Variants in MCL1 observed in about 807,000 individuals in gnomAD.
MCL1 encodes the protein induced myeloid leukemia cell differentiation protein Mcl-1.
Under a neutral mutation model 24.2 loss-of-function variants are expected in MCL1, and 4 were observed. That is an observed-to-expected ratio of 0.17 (90% CI 0.08 to 0.38). The LOEUF (loss-of-function observed/expected upper bound fraction) is 0.38. Among genes scored for constraint, MCL1 ranks in the 10% least tolerant of loss-of-function variants. MCL1 has a pLI of 1.00. For synonymous variants in MCL1, 248 were observed against 214.0 expected, an observed-to-expected ratio of 1.16 and a Z score of -1.39; for missense variants, 529 against 480.3, an observed-to-expected ratio of 1.10 and a Z score of -0.95.
chr1:150,579,538 C>T lies in MCL1; in HGVS notation c.-8G>A. On this transcript the variant is annotated 5_prime_UTR_variant, in exon 1 of 3. Transcript: ENST00000369026. ...TCTTTTGAGGCCAAACATTGCCAGT[C>T]GCCGCCGCCGCCTGGCTGAGAAAAC... 6.3e-7 allele frequency: 1 copy of T among 1,585,810 alleles called. No homozygotes were observed. Among genetic ancestry groups the T allele is most frequent in the East Asian group, 2.4e-5 (1 of 41,684 alleles).
Position 150,579,449 on chromosome 1 carries a change from C to T in MCL1, c.82G>A (p.Ala28Thr), listed in dbSNP as rs768684341. Residue 28 changes from alanine to threonine, a missense_variant, in exon 1 of 3, where the codon GCC becomes ACC. By Grantham distance (58) the Ala-to-Thr change is moderately conservative. Transcript: ENST00000369026. ...GAGLGAGSGGATRPGGRLLAT... is the reference protein window; with the variant it reads ...GAGLGAGSGGTTRPGGRLLAT... ...AAAAGTCGCCCTCCCGGGCGGGTGGCGCCGCCGCTGCCGGCCCCCAAGCCG... is the reference window on the plus strand; with the variant it reads ...AAAAGTCGCCCTCCCGGGCGGGTGGTGCCGCCGCTGCCGGCCCCCAAGCCG... 50 of 1,590,490 alleles carry T rather than the reference C, an allele frequency of 3.1e-5. No homozygotes were observed. The highest frequency in any genetic ancestry group is 4.1e-5 in the Non-Finnish European group (48 of 1,170,712).
rs763609710 is a variant in MCL1 at position 150,579,104 on chromosome 1, G to A, written c.427C>T (p.Leu143=). 1 of 1,613,056 alleles carries A rather than the reference G, an allele frequency of 6.2e-7. No homozygotes were observed. Among genetic ancestry groups the A allele is most frequent in the Non-Finnish European group, 8.5e-7 (1 of 1,180,040 alleles). ...PLGKRPAVLP[L]LELVGESGNN... is the part of the protein sequence containing the mutation. ...CCAGATTCCCCGACCAACTCCAGCA[G>A]CGGCAGGACAGCCGGCCGCTTCCCG... The change falls in exon 1 of 3, where the codon CTG becomes TTG. Residue 143 remains leucine, a synonymous_variant. Transcript: ENST00000369026.
Position 150,575,575 on chromosome 1 carries a change from T to C in MCL1, c.*1800A>G, listed in dbSNP as rs1647764294. The C allele has an allele frequency of 8.6e-6, 2 of 232,906 alleles. No homozygotes were observed. Among genetic ancestry groups the C allele is most frequent in the African/African-American group, 2.2e-5 (1 of 45,300 alleles). 14.4% of individuals were successfully genotyped at this position (232,906 alleles called of 1,614,324 possible). On this transcript the variant is annotated 3_prime_UTR_variant, in exon 3 of 3. Coordinates refer to ENST00000369026, the MANE Select transcript of MCL1 (RefSeq NM_021960.5). ...TGCCCCCAAAGACAGGATAAAACAATAGTTGAAAAGATACCAGTCCAAGGA... is the reference window on the plus strand; with the variant it reads ...TGCCCCCAAAGACAGGATAAAACAACAGTTGAAAAGATACCAGTCCAAGGA...
In MCL1 at chr1:150,579,497, G is replaced by T; in HGVS notation, c.34C>A (p.Leu12Ile). Residue 12 changes from leucine (L) to isoleucine (I), a missense_variant, in exon 1 of 3, where the codon CTC (leucine) becomes ATC (isoleucine). Leu to Ile is a conservative substitution (Grantham distance 5). Transcript: ENST00000369026. ...FGLKRNAVIG[L>I]NLYCGGAGLG... ...CCGGCCCCCCCACAGTAGAGGTTGA[G>T]TCCGATTACCGCGTTTCTTTTGAGG... 6.2e-7 allele frequency: 1 copy of T among 1,600,338 alleles called. No homozygotes were observed. Among genetic ancestry groups the T allele is most frequent in the Non-Finnish European group, 8.5e-7 (1 of 1,174,548 alleles).
In MCL1 at chr1:150,575,553, C is replaced by T. The variant is rs1385789757; in HGVS notation, c.*1822G>A. ...CCTGAGGGGACTTTTGACACATTGC[C>T]CCCAAAGACAGGATAAAACAATAGT... On this transcript the variant is annotated 3_prime_UTR_variant, in exon 3 of 3. Transcript: ENST00000369026. The T allele has an allele frequency of 8.6e-6, 2 of 232,964 alleles. No individual in the cohort carries two copies. Among genetic ancestry groups the T allele is most frequent in the African/African-American group, 2.2e-5 (1 of 45,308 alleles). 14.4% of individuals were successfully genotyped at this position (232,964 alleles called of 1,614,324 possible).
In MCL1 at chr1:150,574,724, G is replaced by A. The variant is rs2101688298; in HGVS notation, c.*2651C>T. On this transcript the variant is annotated 3_prime_UTR_variant, in exon 3 of 3. Transcript: ENST00000369026. The stretch of plus-strand genomic sequence containing the variant: ...CCAAGGTGTTCACCCCCCACAGAAT[G>A]TACATGAAACACTAGAGGACTGCAT... 1 of 233,044 alleles carries A rather than the reference G, an allele frequency of 4.3e-6. No homozygotes were observed. Among genetic ancestry groups the A allele is most frequent in the South Asian group, 1.8e-4 (1 of 5,526 alleles). The allele number at this position is 233,044 out of a possible 1,614,324, so 14.4% of individuals were successfully genotyped here.
At position 150,578,284 on chromosome 1, in the gene MCL1, A is replaced by C. The variant is rs777027172; in HGVS notation, c.896T>G (p.Val299Gly). ...AACTAGCCAGTCCCGTTTTGTCCTT[A>C]CGAGAACGTCTGTGATACTTTCTGC... ...PLAESITDVL[V>G]RTKRDWLVKQ... Residue 299 changes from valine to glycine, a missense_variant, in exon 2 of 3, where the codon GTA (valine) becomes GGA (glycine). Val to Gly is a moderately radical substitution (Grantham distance 109). Coordinates refer to ENST00000369026, the MANE Select transcript of MCL1 (RefSeq NM_021960.5). The C allele has an allele frequency of 1.5e-5, 24 of 1,614,062 alleles. No individual in the cohort carries two copies. The highest frequency in any genetic ancestry group is 1.9e-5 in the Non-Finnish European group (23 of 1,180,016).
rs904916199 is a variant in MCL1 at position 150,578,473 on chromosome 1, T to G, written c.707A>C (p.Asp236Ala). 4 of 1,614,166 alleles carry G rather than the reference T, an allele frequency of 2.5e-6. No homozygotes were observed. Among genetic ancestry groups the G allele is most frequent in the Non-Finnish European group, 3.4e-6 (4 of 1,180,038 alleles). Residue 236 changes from aspartate to alanine, a missense_variant, in exon 2 of 3, where the codon GAC becomes GCC. Transcript: ENST00000369026. ...TTTCACATCGTCTTCGTTTTTGATG[T>G]CCAGTTTCCGAAGCATGCCTGAGAA... is the stretch of plus-strand genomic sequence containing the variant. ...TAFQGMLRKL[D>A]IKNEDDVKSL...
Position 150,577,639 on chromosome 1 carries a change from A to G in MCL1, c.937-148T>C, listed in dbSNP as rs1570981195. On this transcript the variant is annotated intron_variant, in intron 2 of 2. Coordinates refer to ENST00000369026, the MANE Select transcript of MCL1 (RefSeq NM_021960.5). Reference sequence around the variant, plus strand: ...ATTATTATTCACCCCGGGGCAAAAAAAGAAAATAAGTTCTTCAGTTTCTTA... The same window carrying G: ...ATTATTATTCACCCCGGGGCAAAAAGAGAAAATAAGTTCTTCAGTTTCTTA... 2.0e-5 allele frequency: 16 copies of G among 813,782 alleles called. No homozygotes were observed. In the East Asian group the frequency reaches 4.4e-4, roughly 22 times the overall value. 50.4% of individuals were successfully genotyped at this position (813,782 alleles called of 1,614,324 possible). A position where few individuals can be genotyped will look rare whatever the true frequency, so the allele number is the denominator to read the frequency against.
In MCL1 at chr1:150,579,322, G is replaced by T. The variant is rs771154790; in HGVS notation, c.209C>A (p.Thr70Lys). 3.4e-6 allele frequency: 5 copies of T among 1,478,334 alleles called. No individual in the cohort carries two copies. The South Asian group carries it at 4.2e-5, about 12-fold the overall frequency. 91.6% of individuals were successfully genotyped at this position (1,478,334 alleles called of 1,614,324 possible). ...SAGASPPSTLTPDSRRVARPP... is the reference protein window; with the variant it reads ...SAGASPPSTLKPDSRRVARPP... ...CCGCGCGACCCTCCGGGAGTCTGGC[G>T]TGAGGGTGGACGGGGGGCTTGCGCC... The change falls in exon 1 of 3, where the codon ACG (threonine) becomes AAG (lysine). Residue 70 changes from threonine (T) to lysine (K), a missense_variant. Coordinates refer to ENST00000369026, the MANE Select transcript of MCL1 (RefSeq NM_021960.5).
intron 1 of MCL1, 21 bp from the exon 2 acceptor site, chr1:150,578,512 G>A (rs755068609): frequency 6.8e-6 from 11 of 1,612,818 alleles, no homozygotes; most frequent in Non-Finnish European, 9.3e-6. Flanking sequence ...AAAGCATGCA[G>A]GTCCTCACGG....
Position 150,579,039 on chromosome 1 carries a change from C to T in MCL1, c.492G>A (p.Pro164=), listed in dbSNP as rs2101698463. 6 of 1,613,382 alleles carry T rather than the reference C, an allele frequency of 3.7e-6. No individual in the cohort carries two copies. The highest frequency in any genetic ancestry group is 5.1e-6 in the Non-Finnish European group (6 of 1,180,020). ...CGTCCTCCTCCTCCTCTGCTGGCGGCGGCGTCGAGGGTAGTGACCCGTCCG... is the reference window on the plus strand; with the variant it reads ...CGTCCTCCTCCTCCTCTGCTGGCGGTGGCGTCGAGGGTAGTGACCCGTCCG... ...TSTDGSLPST[P]PPAEEEEDEL... The change falls in exon 1 of 3, where the codon CCG becomes CCA. Residue 164 remains proline (P), a synonymous_variant. Coordinates refer to ENST00000369026, the MANE Select transcript of MCL1 (RefSeq NM_021960.5).
Position 150,575,658 on chromosome 1 carries a change from C to T in MCL1, c.*1717G>A. On this transcript the variant is annotated 3_prime_UTR_variant, in exon 3 of 3. Coordinates refer to ENST00000369026, the MANE Select transcript of MCL1 (RefSeq NM_021960.5). ...TAGTGTCACAGCACCCATGGTATTA[C>T]CACCTGCTAACAGGATCAAGTTCGT... The T allele has an allele frequency of 4.3e-6, 1 of 233,044 alleles. No individual in the cohort carries two copies. Among genetic ancestry groups the T allele is most frequent in the Non-Finnish European group, 8.5e-6 (1 of 117,960 alleles). The allele number at this position is 233,044 out of a possible 1,614,324, so 14.4% of individuals were successfully genotyped here.
rs587599693 is a variant in MCL1 at position 150,575,973 on chromosome 1, C to A, written c.*1402G>T. 88 of 233,668 alleles carry A rather than the reference C, an allele frequency of 3.8e-4. No homozygotes were observed. The East Asian group carries it at 5.3e-3, about 14-fold the overall frequency. 14.5% of individuals were successfully genotyped at this position (233,668 alleles called of 1,614,324 possible). On this transcript the variant is annotated 3_prime_UTR_variant, in exon 3 of 3. Coordinates refer to ENST00000369026, the MANE Select transcript of MCL1 (RefSeq NM_021960.5). Reference sequence around the variant, plus strand: ...TTGGGAATCATTAATAGAAACAAAACAGTAAGTATTTGCTTTATTGACATA... The same window carrying A: ...TTGGGAATCATTAATAGAAACAAAAAAGTAAGTATTTGCTTTATTGACATA...
chr1:150,576,248 A>G lies in MCL1; in HGVS notation c.*1127T>C, dbSNP rs1199802680. On this transcript the variant is annotated 3_prime_UTR_variant, in exon 3 of 3. Transcript: ENST00000369026. ...AAATTTCACCAGTTAAATTAGGTCA[A>G]ATGGAAGGAACTCAAATGAGTATTG... 4.3e-6 allele frequency: 1 copy of G among 232,996 alleles called. No homozygotes were observed. Among genetic ancestry groups the G allele is most frequent in the Non-Finnish European group, 8.5e-6 (1 of 117,820 alleles). The allele number at this position is 232,996 out of a possible 1,614,324, so 14.4% of individuals were successfully genotyped here.
At position 150,575,398 on chromosome 1, in the gene MCL1, A is replaced by T; in HGVS notation, c.*1977T>A. 4.3e-6 allele frequency: 1 copy of T among 232,970 alleles called. No individual in the cohort carries two copies. The highest frequency in any genetic ancestry group is 8.5e-6 in the Non-Finnish European group (1 of 117,640). The allele number at this position is 232,970 out of a possible 1,614,324, so 14.4% of individuals were successfully genotyped here. ...TAGTTCCAATATAGACACTTTCTTC[A>T]GTTTATCAGTAGCTTTTAAACTCTG... is the stretch of plus-strand genomic sequence containing the variant. On this transcript the variant is annotated 3_prime_UTR_variant, in exon 3 of 3. Coordinates refer to ENST00000369026, the MANE Select transcript of MCL1 (RefSeq NM_021960.5).
Position 150,577,500 on chromosome 1 carries a change from C to CA in MCL1, c.937-10dup, listed in dbSNP as rs778215108. 1.3e-6 allele frequency: 2 copies of CA among 1,592,738 alleles called. No individual in the cohort carries two copies. ...AACTCCACAAACCCATCCTAGAAAA[C>CA]AAAAAAGAAAAGCACATTTTCAAGT... On this transcript the variant is annotated splice_polypyrimidine_tract_variant and intron_variant, in intron 2 of 2. Transcript: ENST00000369026.
At position 150,577,175 on chromosome 1, in the gene MCL1, A is replaced by T. The variant is rs1647843365; in HGVS notation, c.*200T>A. The T allele has an allele frequency of 1.4e-5, 8 of 588,736 alleles. No individual in the cohort carries two copies. Among genetic ancestry groups the T allele is most frequent in the Non-Finnish European group, 2.0e-5 (7 of 353,814 alleles). 36.5% of individuals were successfully genotyped at this position (588,736 alleles called of 1,614,324 possible). ...GCTGAAACTGAACTTTGCTTCTTTC[A>T]GACAGTGACTCTTCAATCAATGGGG... is the stretch of plus-strand genomic sequence containing the variant. On this transcript the variant is annotated 3_prime_UTR_variant, in exon 3 of 3. Transcript: ENST00000369026.
chr1:150,575,158 C>T lies in MCL1; in HGVS notation c.*2217G>A, dbSNP rs1647737800. The T allele has an allele frequency of 4.3e-6, 1 of 233,228 alleles. No homozygotes were observed. The allele number at this position is 233,228 out of a possible 1,614,324, so 14.4% of individuals were successfully genotyped here. ...AAAACTACATAAAGTGCTTTTAGGT[C>T]CTTAGAGATACATGATATAAATAAG... On this transcript the variant is annotated 3_prime_UTR_variant, in exon 3 of 3. Coordinates refer to ENST00000369026, the MANE Select transcript of MCL1 (RefSeq NM_021960.5).
Sources: allele counts gnomAD v4.1 joint callset, GRCh38; gene constraint gnomAD v4.1.1; transcripts MANE v1.5; gene names NCBI Gene and HGNC (gene_info 2026-07-23, HGNC 2026-07-21).